FER: variants seen among roughly 807,000 people sequenced by gnomAD.
FER encodes tyrosine-protein kinase Fer.
Under a neutral mutation model 111.0 loss-of-function variants are expected in FER, and 63 were observed. The observed-to-expected ratio is 0.57, with a 90% CI of 0.46 to 0.70. The LOEUF (loss-of-function observed/expected upper bound fraction) is 0.70, where lower values mean the gene tolerates loss of function less well. FER is among the 30% of genes least tolerant of loss of function. FER has a pLI of 0.00. For missense variants in FER, 914 were observed against 954.0 expected, an observed-to-expected ratio of 0.96 and a Z score of 0.55; for synonymous variants, 327 against 313.9, an observed-to-expected ratio of 1.04 and a Z score of -0.44.
intron 17 of FER, among the ~76,000 whole-genome samples, chr5:109,144,650 A>G (rs898430943): frequency 2.6e-5 from 4 of 152,126 alleles, no homozygotes; most frequent in Admixed American, 2.6e-4. Flanking sequence ...TTAGCTAACC[A>G]GAACACAAGG....
chr5:108,879,069 T>G (rs1257919925), intron 8 of FER, among the ~76,000 whole-genome samples: 1 of 152,148 alleles, frequency 6.6e-6, no homozygotes, highest in African/African-American at 2.4e-5. Flanking sequence ...AAGTGCTTAT[T>G]TATAAAGTGC....
intron 16 of FER, among the ~76,000 whole-genome samples, chr5:109,095,590 T>C (rs1216001959): frequency 6.6e-6 from 1 of 152,104 alleles, no homozygotes; most frequent in East Asian, 1.9e-4. Flanking sequence ...TGGGTTTATA[T>C]CCTATTGTAT....
At chr5:108,908,211 A>G (rs932094304) in intron 10 of FER, among the ~76,000 whole-genome samples, 1 of 152,204 alleles carries the variant, frequency 6.6e-6, no homozygotes, top group Admixed American at 6.5e-5. Flanking sequence ...GAAACTGAAC[A>G]GAAATTTAAT....
chr5:108,847,299 T>C (rs1389326906), intron 5 of FER, among the ~76,000 whole-genome samples: 1 of 151,990 alleles, frequency 6.6e-6, no homozygotes, highest in Non-Finnish European at 1.5e-5. Context: ...GAATGTTGTC[T>C]AGTTTCCTAA....
At position 109,106,422 on chromosome 5, in the gene FER, G is replaced by T. The variant is rs745943015; in HGVS notation, c.2048+5903G>T. On this transcript the variant is annotated intron_variant, in intron 17 of 19. Coordinates refer to ENST00000281092, the MANE Select transcript of FER (RefSeq NM_005246.4). ...CTTTATCTGTTAATTAAACACACAG[G>T]ATTAACATAGAGATGTGATAATCTC... Among the ~76,000 whole-genome samples the T allele has an allele frequency of 2.0e-5, 3 of 152,052 alleles. No homozygotes were observed. The East Asian group carries it at 5.8e-4, about 29-fold the overall frequency.
At chr5:108,804,083 A>AT (rs978679438) in intron 3 of FER, among the ~76,000 whole-genome samples, 7 of 151,424 alleles carry the variant, frequency 4.6e-5, no homozygotes, top group African/African-American at 1.7e-4. Flanking sequence ...GTTTTATTTT[A>AT]TTTTTTTGTT....
chr5:108,892,722 C>G (rs899008729), intron 9 of FER, among the ~76,000 whole-genome samples: 1 of 152,034 alleles, frequency 6.6e-6, no homozygotes, highest in Non-Finnish European at 1.5e-5. Flanking sequence ...TTTTGGTGTT[C>G]TAGACATGAA....
intron 1 of FER, among the ~76,000 whole-genome samples, chr5:108,760,024 G>C (rs1357952904): frequency 3.3e-5 from 5 of 152,174 alleles, no homozygotes; most frequent in African/African-American, 9.6e-5. Flanking sequence ...TAAGATTTTT[G>C]CTTAGCCAAT....
At chr5:109,118,615 A>G (rs1315099601) in intron 17 of FER, among the ~76,000 whole-genome samples, 2 of 152,122 alleles carry the variant, frequency 1.3e-5, no homozygotes, top group African/African-American at 4.8e-5. Context: ...GGTAGAACTC[A>G]GCTGTGAATC....
chr5:108,957,947 A>G (rs981007811), intron 12 of FER, among the ~76,000 whole-genome samples: 2 of 151,666 alleles, frequency 1.3e-5, no homozygotes, highest in South Asian at 4.1e-4. Context: ...TCAGTGTGAA[A>G]TATTCTTAAG....
At chr5:108,838,174 T>TA in intron 5 of FER, among the ~76,000 whole-genome samples, 2 of 152,278 alleles carry the variant, frequency 1.3e-5, no homozygotes, top group Non-Finnish European at 2.9e-5. Flanking sequence ...TTTGTGGAGT[T>TA]ATTTACTCTT....
intron 10 of FER, among the ~76,000 whole-genome samples, chr5:108,925,889 T>C (rs1230012460): frequency 6.6e-6 from 1 of 152,030 alleles, no homozygotes; most frequent in Non-Finnish European, 1.5e-5. Context: ...ATTGGGATCA[T>C]CTTCTCCAAA....
intron 16 of FER, among the ~76,000 whole-genome samples, chr5:109,050,388 T>C (rs866678528): frequency 3.4e-4 from 51 of 152,212 alleles, no homozygotes; most frequent in African/African-American, 1.2e-3. Flanking sequence ...GAACACTGTA[T>C]GTGCATTATT....
At chr5:109,050,334 G>A (rs10447249) in intron 16 of FER, among the ~76,000 whole-genome samples, 28,229 of 152,064 alleles carry the variant, frequency 0.19, 2,778 homozygotes, top group Non-Finnish European at 0.22. Context: ...TGTAAACACC[G>A]TATTGGCCCA....
At position 108,974,814 on chromosome 5, in the gene FER, A is replaced by G. The variant is rs533696331; in HGVS notation, c.1656+15467A>G. On this transcript the variant is annotated intron_variant, in intron 13 of 19. Coordinates refer to ENST00000281092, the MANE Select transcript of FER (RefSeq NM_005246.4). ...GATGACAGCCTCTAGAAACTGGAAA[A>G]GGCAAGAAATAGATTATTTCCTTAT... 5.3e-5 allele frequency among the ~76,000 whole-genome samples: 8 copies of G among 152,342 alleles called. No individual in the cohort carries two copies. In the South Asian group the frequency reaches 1.7e-3, roughly 32 times the overall value.
intron 13 of FER, among the ~76,000 whole-genome samples, chr5:109,028,902 T>C (rs1400662090): frequency 6.9e-6 from 1 of 144,588 alleles, no homozygotes; most frequent in Admixed American, 6.7e-5. Context: ...CACATACCTG[T>C]TAACATGACC....
chr5:108,909,214 G>A (rs966447814), intron 10 of FER, among the ~76,000 whole-genome samples: 1 of 152,156 alleles, frequency 6.6e-6, no homozygotes, highest in Middle Eastern at 3.2e-3. Context: ...TAAAGAGAAT[G>A]TGTGAATGTT....
chr5:109,044,933 G>A, intron 15 of FER, 138 bp downstream of exon 15: 1 of 489,696 alleles, frequency 2.0e-6, no homozygotes, highest in Non-Finnish European at 3.6e-6. Context: ...CCAAAAATTT[G>A]TGCTTTTGTG....
At chr5:108,998,437 C>A (rs75163407) in intron 13 of FER, among the ~76,000 whole-genome samples, 1 of 152,066 alleles carries the variant, frequency 6.6e-6, no homozygotes, top group Non-Finnish European at 1.5e-5. Context: ...CTGGGTGAGG[C>A]GACATCCCAT....
Sources: gnomAD v4.1 joint callset for allele counts (sites outside exome capture counted in the v4.1 genomes callset) on GRCh38, gnomAD v4.1.1 for gene constraint, MANE v1.5 for transcripts, NCBI Gene and HGNC (gene_info 2026-07-23, HGNC 2026-07-21) for gene names.